The following SEC14L1 variants were observed in gnomAD, a reference collection of about 807,000 sequenced individuals.
SEC14L1 encodes SEC14 like lipid binding 1, also known as SEC14-like protein 1.
In SEC14L1, 48 loss-of-function variants were observed where a neutral mutation model predicts 85.3. That is an observed-to-expected ratio of 0.56 (90% CI 0.45 to 0.72). The LOEUF (loss-of-function observed/expected upper bound fraction) is 0.72. Among genes scored for constraint, SEC14L1 ranks in the 30% least tolerant of loss-of-function variants. SEC14L1 has a pLI of 0.00. For synonymous variants in SEC14L1, 391 were observed against 355.5 expected, an observed-to-expected ratio of 1.10 and a Z score of -1.12; for missense variants, 682 against 921.4, an observed-to-expected ratio of 0.74 and a Z score of 3.36.
chr17:77,148,319 G>A (rs942887838), intron 3 of SEC14L1, among the ~76,000 whole-genome samples: 17 of 152,110 alleles, frequency 1.1e-4, no homozygotes, highest in African/African-American at 4.1e-4. Context: ...ACAGCCGCAG[G>A]CGAGATAGTG....
intron 3 of SEC14L1, among the ~76,000 whole-genome samples, chr17:77,128,428 T>A (rs374057477): frequency 2.0e-4 from 12 of 60,474 alleles, no homozygotes; most frequent in Admixed American, 3.4e-4. Flanking sequence ...TTATTTTATT[T>A]TATTTTATTT....
chr17:77,208,716 A>G (rs1477670313), intron 13 of SEC14L1, among the ~76,000 whole-genome samples: 1 of 152,170 alleles, frequency 6.6e-6, no homozygotes, highest in Non-Finnish European at 1.5e-5. Context: ...TTTATTTTCT[A>G]TGTAGTTGCT....
chr17:77,155,699 C>T (rs965208576), intron 3 of SEC14L1, among the ~76,000 whole-genome samples: 3 of 152,200 alleles, frequency 2.0e-5, no homozygotes, highest in African/African-American at 7.2e-5. Flanking sequence ...CTGCAAGTTT[C>T]AAATGATGAA....
At chr17:77,148,489 G>A (rs186959074) in intron 3 of SEC14L1, among the ~76,000 whole-genome samples, 1 of 152,306 alleles carries the variant, frequency 6.6e-6, no homozygotes, top group Non-Finnish European at 1.5e-5. Context: ...CACAGCAGAT[G>A]TGGTCACCTC....
chr17:77,102,938 A>C (rs1971812950), intron 3 of SEC14L1, among the ~76,000 whole-genome samples: 1 of 151,956 alleles, frequency 6.6e-6, no homozygotes, highest in Non-Finnish European at 1.5e-5. Flanking sequence ...AGTAGCTGGG[A>C]CTATACAGGT....
At chr17:77,157,530 C>CTTT (rs370936192) in intron 3 of SEC14L1, among the ~76,000 whole-genome samples, 1 of 144,386 alleles carries the variant, frequency 6.9e-6, no homozygotes, top group Non-Finnish European at 1.5e-5. Context: ...TCTATTATAA[C>CTTT]TTTTTTTTTT....
At chr17:77,211,877 G>GAGCA in intron 14 of SEC14L1, 73 bp from the exon 15 acceptor site, 2 of 1,573,284 alleles carry the variant, frequency 1.3e-6, no homozygotes, top group Non-Finnish European at 8.6e-7. Context: ...ATCCCCTGGA[G>GAGCA]AGCACGATGC....
chr17:77,104,790 CAAAAAAAAAA>C (rs34654587), intron 3 of SEC14L1, among the ~76,000 whole-genome samples: 1 of 115,828 alleles, frequency 8.6e-6, no homozygotes, highest in Admixed American at 8.5e-5. Flanking sequence ...GACTCCATTT[CAAAAAAAAAA>C]AAAAAAAGAA....
chr17:77,143,722 T>G, intron 3 of SEC14L1, 63 bp downstream of exon 3: 1 of 1,195,218 alleles, frequency 8.4e-7, no homozygotes, highest in Non-Finnish European at 1.2e-6. Context: ...GTGTTAGAAT[T>G]TGATGATCTA....
rs751692537 is a variant in SEC14L1, at chr17:77,200,445, CT to C, written c.820-35del. ...CAGCCTCCCAAAGTTCCCTTCACAA[CT>C]TTTAACATTGCTTAGAAATGTCTTT... On this transcript the variant is annotated intron_variant, in intron 8 of 16. Transcript: ENST00000436233. 3.2e-6 allele frequency: 5 copies of C among 1,579,278 alleles called. No homozygotes were observed. In the East Asian group the frequency reaches 1.1e-4, roughly 35 times the overall value.
intron 3 of SEC14L1, among the ~76,000 whole-genome samples, chr17:77,189,708 A>G (rs887977314): frequency 1.3e-5 from 2 of 152,144 alleles, no homozygotes; most frequent in African/African-American, 4.8e-5. Context: ...GGCTCACTGC[A>G]AGCTCCGCTT....
rs149261491 is a variant in SEC14L1, at chr17:77,179,497, C to A, written c.64-11306C>A. Among the ~76,000 whole-genome samples, 4 of 152,194 alleles carry A rather than the reference C, an allele frequency of 2.6e-5. No homozygotes were observed. In the East Asian group the frequency reaches 7.7e-4, roughly 29 times the overall value. ...GGGTTACTTCGCATCTATCATGATA[C>A]TTTTTCCTTTGATTTTATAGCACTT... is the stretch of plus-strand genomic sequence containing the variant. On this transcript the variant is annotated intron_variant, in intron 3 of 16. Transcript: ENST00000436233.
chr17:77,114,160 G>A (rs1422741368), intron 3 of SEC14L1, among the ~76,000 whole-genome samples: 1 of 151,878 alleles, frequency 6.6e-6, no homozygotes, highest in Non-Finnish European at 1.5e-5. Flanking sequence ...CCCTTTGTTT[G>A]GCCACCTGGA....
intron 3 of SEC14L1, among the ~76,000 whole-genome samples, chr17:77,166,910 G>T (rs993037866): frequency 6.6e-6 from 1 of 152,146 alleles, no homozygotes; most frequent in Non-Finnish European, 1.5e-5. Flanking sequence ...TCTTTGGGAA[G>T]CTGATTAGGG....
chr17:77,137,883 G>A (rs1972841871), upstream of SEC14L1, among the ~76,000 whole-genome samples: 1 of 152,210 alleles, frequency 6.6e-6, no homozygotes, highest in South Asian at 2.1e-4. Context: ...AGAGAGAGCT[G>A]ATTCATCAGG....
Position 77,206,852 on chromosome 17 carries a change from G to A in SEC14L1, c.1466G>A (p.Gly489Glu), listed in dbSNP as rs1224174984. ...GAGATTATTCCAGATTTCCTGAGTG[G>A]GGAGTGCATGGTATGTCCTGAGGCG... ...DKEIIPDFLS[G>E]ECMCEVPEGG... The change falls in exon 13 of 17, where the codon GGG (glycine) becomes GAG (glutamate). Residue 489 changes from glycine (G) to glutamate (E), a missense_variant. Coordinates refer to ENST00000436233, the MANE Select transcript of SEC14L1 (RefSeq NM_001143998.2). This position sits in a 1 kb window ranked among gnomAD's most constrained non-coding sequence, Gnocchi z 4.3. The A allele has an allele frequency of 6.2e-7, 1 of 1,604,080 alleles. No homozygotes were observed. The highest frequency in any genetic ancestry group is 8.5e-7 in the Non-Finnish European group (1 of 1,175,836).
intron 3 of SEC14L1, among the ~76,000 whole-genome samples, chr17:77,110,603 G>A (rs577504877): frequency 4.6e-5 from 7 of 151,698 alleles, no homozygotes; most frequent in Non-Finnish European, 8.8e-5. Flanking sequence ...GGGGCTGGCT[G>A]GGCGCGGTGG....
In SEC14L1 at chr17:77,200,630, C is replaced by T; in HGVS notation, c.966C>T (p.Val322=). ...YILETWTPPQ[V]LQDYYAGGWH... ...TTGAAACCTGGACCCCTCCTCAGGTCCTTCAGGATTACTACGCGGGAGGCT... is the reference window on the plus strand; with the variant it reads ...TTGAAACCTGGACCCCTCCTCAGGTTCTTCAGGATTACTACGCGGGAGGCT... Residue 322 remains valine (V), a synonymous_variant, in exon 9 of 17, where the codon GTC becomes GTT. Coordinates refer to ENST00000436233, the MANE Select transcript of SEC14L1 (RefSeq NM_001143998.2). 1 of 1,614,018 alleles carries T rather than the reference C, an allele frequency of 6.2e-7. No individual in the cohort carries two copies. The highest frequency in any genetic ancestry group is 8.5e-7 in the Non-Finnish European group (1 of 1,179,976).
rs192536301 is a variant in SEC14L1 at position 77,115,266 on chromosome 17, T to C, written c.-136+21919T>C. On this transcript the variant is annotated intron_variant, in intron 3 of 19. Transcript: ENST00000392476. Reference sequence around the variant, plus strand: ...CAACATGGTGAAACCCCATCTCTACTAAAAATACAAAAATTAGCTGGGCGT... The same window carrying C: ...CAACATGGTGAAACCCCATCTCTACCAAAAATACAAAAATTAGCTGGGCGT... Among the ~76,000 whole-genome samples the C allele has an allele frequency of 3.3e-3, 498 of 152,072 alleles. 1 individual carries two copies. The highest frequency in any genetic ancestry group is 6.0e-3 in the Admixed American group (91 of 15,266).
Sources: allele counts gnomAD v4.1 joint callset (sites outside exome capture counted in the v4.1 genomes callset), GRCh38; gene constraint gnomAD v4.1.1; non-coding constraint Gnocchi (gnomAD v3.1); transcripts MANE v1.5; gene names NCBI Gene and HGNC (gene_info 2026-07-23, HGNC 2026-07-21).